NOD1: variants seen among roughly 807,000 people sequenced by gnomAD.
The protein encoded by NOD1 is nucleotide binding oligomerization domain containing 1.
Under a neutral mutation model 81.2 loss-of-function variants are expected in NOD1, and 70 were observed. The ratio of observed to expected loss-of-function variants is 0.86; its 90% CI spans 0.71 to 1.05. NOD1 has a LOEUF of 1.05. Ranked by LOEUF, NOD1 falls within the 50% of genes least tolerant of loss-of-function variation. The probability of loss-of-function intolerance (pLI) is 0.00; values close to 1 mark genes in which losing one functional copy is unlikely to be tolerated. For synonymous variants in NOD1, 508 were observed against 526.9 expected, an observed-to-expected ratio of 0.96 and a Z score of 0.49; for missense variants, 1,233 against 1,228.0, an observed-to-expected ratio of 1.00 and a Z score of -0.06.
chr7:30,446,840 C>T, intron 8 of NOD1, 127 bp downstream of exon 8: 1 of 746,226 alleles, frequency 1.3e-6, no homozygotes, highest in South Asian at 1.9e-5. Flanking sequence ...TTTACTTGAC[C>T]AACATGGCCC....
rs1485578369 is a variant in NOD1, at chr7:30,452,202, A to C, written c.1215T>G (p.Arg405=). The change falls in exon 6 of 14, where the codon CGT becomes CGG. Residue 405 remains arginine (R), a synonymous_variant. Transcript: ENST00000222823. ...WIIFRCFQHF[R]AAFEGSPQLP... is the part of the protein sequence containing the mutation. ...GCTGTGGTGAGCCTTCAAAGGCAGC[A>C]CGGAAGTGCTGGAAGCACCGGAAGA... is the stretch of plus-strand genomic sequence containing the variant. 1 of 1,613,950 alleles carries C rather than the reference A, an allele frequency of 6.2e-7. No individual in the cohort carries two copies. The highest frequency in any genetic ancestry group is 8.5e-7 in the Non-Finnish European group (1 of 1,180,028).
At chr7:30,429,296 G>C in intron 13 of NOD1, 78 bp downstream of exon 13, 1 of 1,232,434 alleles carries the variant, frequency 8.1e-7, no homozygotes, top group South Asian at 1.2e-5. Context: ...AAACCACCCT[G>C]CGTTGTGCCT....
Position 30,451,968 on chromosome 7 carries a change from C to T in NOD1, c.1449G>A (p.Val483=), listed in dbSNP as rs1785775004. 6.2e-7 allele frequency: 1 copy of T among 1,613,446 alleles called. No individual in the cohort carries two copies. The change falls in exon 6 of 14, where the codon GTG becomes GTA. Residue 483 remains valine, a synonymous_variant. Coordinates refer to ENST00000222823, the MANE Select transcript of NOD1 (RefSeq NM_006092.4). The surrounding 1 kb of genome is among the most constrained non-coding windows in gnomAD (Gnocchi z 4.2). ...KSLFVFTQEE[V]QASGLQERDM... Reference sequence around the variant, plus strand: ...CTCTCTCCTGCAGCCCGGAGGCCTGCACCTCCTCCTGGGTGAAGACAAAGA... The same window carrying T: ...CTCTCTCCTGCAGCCCGGAGGCCTGTACCTCCTCCTGGGTGAAGACAAAGA...
Position 30,463,193 on chromosome 7 carries a change from G to A in NOD1, c.-351-3152C>T, listed in dbSNP as rs145084498. Reference sequence around the variant, plus strand: ...TATGAATATACATATAGATACATACGACTTGTCAAAAGTCAGCAACCCATA... The same window carrying A: ...TATGAATATACATATAGATACATACAACTTGTCAAAAGTCAGCAACCCATA... On this transcript the variant is annotated intron_variant, in intron 1 of 13. Coordinates refer to ENST00000222823, the MANE Select transcript of NOD1 (RefSeq NM_006092.4). 2.2e-4 allele frequency among the ~76,000 whole-genome samples: 33 copies of A among 152,176 alleles called. 1 individual carries two copies. The East Asian group carries it at 2.9e-3, about 13-fold the overall frequency.
At position 30,460,077 on chromosome 7, in the gene NOD1, G is replaced by T. The variant is rs577807260; in HGVS notation, c.-351-36C>A. 5.8e-5 allele frequency: 12 copies of T among 207,872 alleles called. No individual in the cohort carries two copies. The East Asian group carries it at 2.2e-3, about 38-fold the overall frequency. 12.9% of individuals were successfully genotyped at this position (207,872 alleles called of 1,614,324 possible). The stretch of plus-strand genomic sequence containing the variant: ...CAATATATTATATGACAGCCATCTG[G>T]CAAGGAGGCTGCTTTATAATGTCCA... On this transcript the variant is annotated intron_variant, in intron 1 of 13. Transcript: ENST00000222823.
rs1783295746 is a variant in NOD1, at chr7:30,424,534, G to A, written c.*1104C>T. ...AACTCCAGACTCAACCCGTAAGAGT[G>A]TTTTCAGTATTTTATTAACAAATGA... On this transcript the variant is annotated 3_prime_UTR_variant, in exon 14 of 14. Coordinates refer to ENST00000222823, the MANE Select transcript of NOD1 (RefSeq NM_006092.4). 6.6e-6 allele frequency: 1 copy of A among 152,122 alleles called. No homozygotes were observed. Among genetic ancestry groups the A allele is most frequent in the African/African-American group, 2.4e-5 (1 of 41,408 alleles). The allele number at this position is 152,122 out of a possible 1,614,324, so 9.4% of individuals were successfully genotyped here.
Position 30,452,411 on chromosome 7 carries a change from T to C in NOD1, c.1006A>G (p.Ile336Val). Residue 336 changes from isoleucine (I) to valine (V), a missense_variant, in exon 6 of 14, where the codon ATC (isoleucine) becomes GTC (valine). Transcript: ENST00000222823. ...CGCAGGAACTGGCGCGGGACCTCGA[T>C]GCCTGTGCGGGCTGTGAGCAGCTTG... ...ASKLLTARTG[I>V]EVPRQFLRKK... The C allele has an allele frequency of 6.2e-7, 1 of 1,613,402 alleles. No homozygotes were observed. The highest frequency in any genetic ancestry group is 8.5e-7 in the Non-Finnish European group (1 of 1,180,004).
intron 1 of NOD1, among the ~76,000 whole-genome samples, chr7:30,465,106 G>T (rs1000498660): frequency 1.9e-5 from 2 of 105,768 alleles, no homozygotes; most frequent in Admixed American, 2.2e-4. Flanking sequence ...GAGAGAGACA[G>T]GGGGGTGCCG....
rs752934703 is a variant in NOD1, at chr7:30,428,356, T to A, written c.2789+1018A>T. 1.7e-4 allele frequency: 25 copies of A among 149,710 alleles called. 1 individual carries two copies. Among genetic ancestry groups the A allele is most frequent in the Non-Finnish European group, 2.8e-4 (19 of 67,902 alleles). The allele number at this position is 149,710 out of a possible 1,614,324, so 9.3% of individuals were successfully genotyped here. Reference sequence around the variant, plus strand: ...TATTACAGGCATGAGCCACCATGCCTAGCCAACAGTGTTTTTTTTAAAAAA... The same window carrying A: ...TATTACAGGCATGAGCCACCATGCCAAGCCAACAGTGTTTTTTTTAAAAAA... On this transcript the variant is annotated intron_variant, in intron 13 of 13. Coordinates refer to ENST00000222823, the MANE Select transcript of NOD1 (RefSeq NM_006092.4).
At chr7:30,471,784 G>A (rs1473553153) in intron 1 of NOD1, among the ~76,000 whole-genome samples, 1 of 152,194 alleles carries the variant, frequency 6.6e-6, no homozygotes, top group Non-Finnish European at 1.5e-5. Flanking sequence ...TTTTGTTCCT[G>A]TTTCTAAAGA....
At chr7:30,475,908 T>G (rs1240728855) in intron 1 of NOD1, 1 of 152,206 alleles carries the variant, frequency 6.6e-6, no homozygotes, top group Non-Finnish European at 1.5e-5. Context: ...TTTGATGCGC[T>G]AAAGAGTTTT....
chr7:30,455,659 T>C (rs995529635), intron 4 of NOD1, among the ~76,000 whole-genome samples: 1 of 150,892 alleles, frequency 6.6e-6, no homozygotes, highest in Admixed American at 6.6e-5. Flanking sequence ...TGGAGTGCAA[T>C]GGCACAATCT....
Position 30,451,734 on chromosome 7 carries a change from G to A in NOD1, c.1683C>T (p.Pro561=), listed in dbSNP as rs1200280562. 11 of 1,613,866 alleles carry A rather than the reference G, an allele frequency of 6.8e-6. No homozygotes were observed. The highest frequency in any genetic ancestry group is 9.3e-6 in the Non-Finnish European group (11 of 1,180,036). Residue 561 remains proline, a synonymous_variant, in exon 6 of 14, where the codon CCC becomes CCT. Coordinates refer to ENST00000222823, the MANE Select transcript of NOD1 (RefSeq NM_006092.4). The surrounding 1 kb of genome is among the most constrained non-coding windows in gnomAD (Gnocchi z 4.2). ...CCTGCAGGCACTGGAACGGGAGGAA[G>A]GGAGGATAGCAGGACGTGGTCGCTG... The part of the protein sequence containing the change: ...AGAATTSCYP[P]FLPFQCLQGS...
chr7:30,470,923 G>A (rs765911913), intron 1 of NOD1, among the ~76,000 whole-genome samples: 1 of 152,144 alleles, frequency 6.6e-6, no homozygotes, highest in Non-Finnish European at 1.5e-5. Flanking sequence ...TGGCCGATCT[G>A]GAAGCTGGAG....
intron 1 of NOD1, among the ~76,000 whole-genome samples, chr7:30,470,614 G>C (rs1044147251): frequency 1.3e-5 from 2 of 152,096 alleles, no homozygotes; most frequent in African/African-American, 4.8e-5. Context: ...ATTTATCTTC[G>C]CTGCTGTCTT....
intron 2 of NOD1, 59 bp from the exon 3 acceptor site, chr7:30,459,299 A>G (rs1336552453): frequency 2.0e-5 from 3 of 152,664 alleles, no homozygotes; most frequent in Non-Finnish European, 2.9e-5. Flanking sequence ...ATGAATGAAT[A>G]AAATTGGCAA....
In NOD1 at chr7:30,451,437, G is replaced by A. The variant is rs201194913; in HGVS notation, c.1980C>T (p.Tyr660=). Reference sequence around the variant, plus strand: ...GCCCCACCTTCTGGCTCTGTGTCTCGTAGATGCAGCGCAGCATCCAGATGA... The same window carrying A: ...GCCCCACCTTCTGGCTCTGTGTCTCATAGATGCAGCGCAGCATCCAGATGA... ...PTFIWMLRCI[Y]ETQSQKVGQL... The change falls in exon 6 of 14, where the codon TAC becomes TAT. Residue 660 remains tyrosine, a synonymous_variant. Coordinates refer to ENST00000222823, the MANE Select transcript of NOD1 (RefSeq NM_006092.4). The surrounding 1 kb of genome is among the most constrained non-coding windows in gnomAD (Gnocchi z 4.2). 10 of 1,613,750 alleles carry A rather than the reference G, an allele frequency of 6.2e-6. No homozygotes were observed. Among genetic ancestry groups the A allele is most frequent in the African/African-American group, 2.7e-5 (2 of 75,068 alleles).
chr7:30,445,124 G>T (rs1489260190), intron 9 of NOD1, among the ~76,000 whole-genome samples: 1 of 67,070 alleles, frequency 1.5e-5, no homozygotes, highest in Admixed American at 1.5e-4. Context: ...GGTCGGGGGA[G>T]GGGGGAGGGA....
Position 30,467,238 on chromosome 7 carries a change from T to A in NOD1, c.-351-7197A>T, listed in dbSNP as rs959672306. Among the ~76,000 whole-genome samples the A allele has an allele frequency of 1.3e-5, 2 of 152,142 alleles. No homozygotes were observed. Among genetic ancestry groups the A allele is most frequent in the Non-Finnish European group, 2.9e-5 (2 of 68,022 alleles). On this transcript the variant is annotated intron_variant, in intron 1 of 13. Coordinates refer to ENST00000222823, the MANE Select transcript of NOD1 (RefSeq NM_006092.4). This position sits in a 1 kb window ranked among gnomAD's most constrained non-coding sequence, Gnocchi z 4.5. ...CTCTATAGGCATACGCCCGTGAATG[T>A]AAATGCAAAGAAAACCACCTGTGAG...
Sources: allele counts gnomAD v4.1 joint callset (sites outside exome capture counted in the v4.1 genomes callset), GRCh38; gene constraint gnomAD v4.1.1; non-coding constraint Gnocchi (gnomAD v3.1); transcripts MANE v1.5; gene names NCBI Gene and HGNC (gene_info 2026-07-23, HGNC 2026-07-21).